The following KCNH5 variants were observed in gnomAD, a reference collection of about 807,000 sequenced individuals.
KCNH5 encodes voltage-gated delayed rectifier potassium channel KCNH5.
KCNH5 carries 46 observed loss-of-function variants against 96.1 expected under a neutral mutation model. The ratio of observed to expected loss-of-function variants is 0.48; its 90% CI spans 0.38 to 0.61. The LOEUF (loss-of-function observed/expected upper bound fraction) is 0.61, where lower values mean the gene tolerates loss of function less well. Ranked by LOEUF, KCNH5 falls within the 20% of genes least tolerant of loss-of-function variation. KCNH5 has a pLI of 0.00. For synonymous variants in KCNH5, 439 were observed against 449.8 expected, an observed-to-expected ratio of 0.98 and a Z score of 0.30; for missense variants, 907 against 1,225.8, an observed-to-expected ratio of 0.74 and a Z score of 3.88.
At chr14:62,868,220 C>G (rs1430261158) in intron 7 of KCNH5, among the ~76,000 whole-genome samples, 3 of 152,196 alleles carry the variant, frequency 2.0e-5, no homozygotes, top group African/African-American at 7.2e-5. Context: ...TCAAGCCTTC[C>G]ACATTCTTCC....
At chr14:62,791,183 T>C (rs1886426034) in intron 9 of KCNH5, among the ~76,000 whole-genome samples, 1 of 151,590 alleles carries the variant, frequency 6.6e-6, no homozygotes, top group African/African-American at 2.4e-5. Context: ...AAAATGAAAA[T>C]ATATGAAAGT....
At chr14:62,990,569 A>G (rs1890790885) in intron 4 of KCNH5, among the ~76,000 whole-genome samples, 1 of 152,134 alleles carries the variant, frequency 6.6e-6, no homozygotes, top group South Asian at 2.1e-4. Flanking sequence ...AAAGAAAATG[A>G]AAGAGAAAGG....
intron 6 of KCNH5, among the ~76,000 whole-genome samples, chr14:62,961,799 CAGATGG>C (rs1222836139): frequency 9.3e-5 from 14 of 150,190 alleles, no homozygotes; most frequent in Middle Eastern, 3.5e-3. Context: ...GATGCAGATG[CAGATGG>C]AGATGGAGAT....
At chr14:62,934,087 G>A (rs927439836) in intron 7 of KCNH5, among the ~76,000 whole-genome samples, 4 of 151,524 alleles carry the variant, frequency 2.6e-5, no homozygotes, top group East Asian at 3.9e-4. Context: ...CTCCCTGTGA[G>A]TAAATGGACA....
intron 9 of KCNH5, 137 bp from the exon 10 acceptor site, chr14:62,780,061 A>T: frequency 3.8e-6 from 2 of 521,338 alleles, no homozygotes; most frequent in Non-Finnish European, 6.4e-6. Context: ...CTATAAACAC[A>T]TAACAATACA....
intron 7 of KCNH5, among the ~76,000 whole-genome samples, chr14:62,857,445 T>C (rs1162408224): frequency 6.6e-6 from 1 of 152,174 alleles, no homozygotes; most frequent in African/African-American, 2.4e-5. Context: ...ACTAATAGGA[T>C]ATATCTTCAC....
In KCNH5 at chr14:62,708,133, G is replaced by C; in HGVS notation, c.2342C>G (p.Ala781Gly). 6.2e-7 allele frequency: 1 copy of C among 1,614,218 alleles called. No homozygotes were observed. Among genetic ancestry groups the C allele is most frequent in the South Asian group, 1.1e-5 (1 of 91,082 alleles). The change falls in exon 11 of 11, where the codon GCC (alanine) becomes GGC (glycine). Residue 781 changes from alanine to glycine, a missense_variant. This residue lies in a region of KCNH5 where 362 missense variants were observed against 394.4 expected (regional missense o/e 0.92). Transcript: ENST00000322893. Reference sequence around the variant, plus strand: ...ACCGCCGTTGGGCTTGAGTTCCATGGCATCACGGTTGTTCTGCTTAAGGGA... The same window carrying C: ...ACCGCCGTTGGGCTTGAGTTCCATGCCATCACGGTTGTTCTGCTTAAGGGA... ...SESLKQNNRD[A>G]MELKPNGGAD...
At chr14:62,941,454 G>A (rs1221710830) in intron 7 of KCNH5, among the ~76,000 whole-genome samples, 1 of 152,130 alleles carries the variant, frequency 6.6e-6, no homozygotes, top group South Asian at 2.1e-4. Context: ...ACACATCTGA[G>A]ACTGCTAAAC....
At chr14:62,839,681 A>G (rs1887536244) in intron 8 of KCNH5, among the ~76,000 whole-genome samples, 1 of 152,196 alleles carries the variant, frequency 6.6e-6, no homozygotes, top group Non-Finnish European at 1.5e-5. Flanking sequence ...TTTACATGGA[A>G]CACACAGACC....
At chr14:63,027,414 A>C (rs1321783629) in intron 1 of KCNH5, among the ~76,000 whole-genome samples, 2 of 151,790 alleles carry the variant, frequency 1.3e-5, no homozygotes, top group Non-Finnish European at 2.9e-5. Flanking sequence ...GCCATTCCAC[A>C]ATGTAGACAT....
chr14:62,888,201 GA>G (rs1424538774), intron 7 of KCNH5, among the ~76,000 whole-genome samples: 1 of 152,166 alleles, frequency 6.6e-6, no homozygotes, highest in African/African-American at 2.4e-5. Context: ...GAAAGGGAAT[GA>G]AGTTTAATTT....
intron 10 of KCNH5, among the ~76,000 whole-genome samples, chr14:62,768,657 T>C (rs1308178503): frequency 6.6e-6 from 1 of 152,216 alleles, no homozygotes; most frequent in Non-Finnish European, 1.5e-5. Flanking sequence ...AATACTTTTC[T>C]ATCTATTAAA....
intron 6 of KCNH5, among the ~76,000 whole-genome samples, chr14:62,953,024 TAG>T (rs952348841): frequency 1.3e-5 from 2 of 151,914 alleles, no homozygotes; most frequent in African/African-American, 2.4e-5. Flanking sequence ...CAGTTTTATA[TAG>T]AGAGAGAGCA....
chr14:62,923,808 A>G (rs1889422918), intron 7 of KCNH5, among the ~76,000 whole-genome samples: 1 of 152,002 alleles, frequency 6.6e-6, no homozygotes, highest in Admixed American at 6.6e-5. Flanking sequence ...CATCATATCC[A>G]AAAATCCACT....
chr14:62,957,774 G>C (rs1463665038), intron 6 of KCNH5, among the ~76,000 whole-genome samples: 1 of 152,146 alleles, frequency 6.6e-6, no homozygotes, highest in Non-Finnish European at 1.5e-5. Context: ...GCATCCCTTT[G>C]AGTCATGCAT....
At chr14:62,868,386 A>T (rs1177113877) in intron 7 of KCNH5, among the ~76,000 whole-genome samples, 1 of 152,216 alleles carries the variant, frequency 6.6e-6, no homozygotes, top group East Asian at 1.9e-4. Flanking sequence ...TAAGTTAGGT[A>T]ACAAGAGATG....
chr14:62,842,021 C>T (rs1167400435), intron 8 of KCNH5, among the ~76,000 whole-genome samples: 4 of 152,268 alleles, frequency 2.6e-5, no homozygotes, highest in Non-Finnish European at 4.4e-5. Flanking sequence ...CACACTATTA[C>T]GCTAAATTTC....
At chr14:63,023,359 A>C (rs1430720587) in intron 1 of KCNH5, among the ~76,000 whole-genome samples, 1 of 152,218 alleles carries the variant, frequency 6.6e-6, no homozygotes, top group African/African-American at 2.4e-5. Flanking sequence ...TGATTATATG[A>C]ATAAGCCAAT....
intron 8 of KCNH5, among the ~76,000 whole-genome samples, chr14:62,826,408 A>ATGTGTG (rs71451280): frequency 0.079 from 11,236 of 141,958 alleles, 485 homozygotes; most frequent in African/African-American, 0.089. Flanking sequence ...GCGTGCGTGC[A>ATGTGTG]TGTGTGTGTG....
Sources: gnomAD v4.1 joint callset for allele counts (sites outside exome capture counted in the v4.1 genomes callset) on GRCh38, gnomAD v4.1.1 for gene constraint, gnomAD v4.1.1 regional missense constraint, MANE v1.5 for transcripts, NCBI Gene and HGNC (gene_info 2026-07-23, HGNC 2026-07-21) for gene names.